Variants in NRG1 observed in about 807,000 individuals in gnomAD.
The protein encoded by NRG1 is pro-neuregulin-1, membrane-bound isoform.
A neutral mutation model predicts 63.8 loss-of-function variants in NRG1; 18 were observed. The observed-to-expected ratio is 0.28, with a 90% confidence interval of 0.19 to 0.42. The LOEUF is 0.42. NRG1 is among the 10% of genes least tolerant of loss of function. The pLI, the probability that NRG1 is intolerant of heterozygous loss-of-function variation, is 1.00. For synonymous variants in NRG1, 302 were observed against 301.3 expected, an observed-to-expected ratio of 1.00 and a Z score of -0.02; for missense variants, 762 against 814.7, an observed-to-expected ratio of 0.94 and a Z score of 0.79.
intron 1 of NRG1, among the ~76,000 whole-genome samples, chr8:32,062,270 T>A (rs1440752167): frequency 6.6e-6 from 1 of 152,056 alleles, no homozygotes; most frequent in African/African-American, 2.4e-5. Flanking sequence ...ATGGGAAGAA[T>A]GATGTTTTAA....
intron 1 of NRG1, among the ~76,000 whole-genome samples, chr8:32,086,968 A>T (rs1828312305): frequency 6.6e-6 from 1 of 152,186 alleles, no homozygotes; most frequent in Admixed American, 6.5e-5. Flanking sequence ...TCTAGATAGG[A>T]CGTTTCATAG....
At chr8:32,003,831 A>G (rs774441235) in intron 1 of NRG1, among the ~76,000 whole-genome samples, 2 of 151,906 alleles carry the variant, frequency 1.3e-5, no homozygotes, top group Non-Finnish European at 2.9e-5. Context: ...AGAAACAAGT[A>G]TTCAATTGTT....
intron 1 of NRG1, among the ~76,000 whole-genome samples, chr8:31,854,187 G>A (rs1472077087): frequency 6.6e-6 from 1 of 151,636 alleles, no homozygotes; most frequent in African/African-American, 2.4e-5. Context: ...AGAAGGAATG[G>A]TACCAGTTCC....
chr8:32,745,836 G>A (rs1827333687), intron 7 of NRG1, among the ~76,000 whole-genome samples: 1 of 152,032 alleles, frequency 6.6e-6, no homozygotes, highest in South Asian at 2.1e-4. Context: ...TAACATAATA[G>A]GACCTAATTA....
intron 1 of NRG1, among the ~76,000 whole-genome samples, chr8:31,770,770 C>CATATATATATATATATATAT (rs4036035): frequency 1.4e-5 from 2 of 140,490 alleles, no homozygotes; most frequent in African/African-American, 2.6e-5. Flanking sequence ...GTATAATAAA[C>CATATATATATATATATATAT]ATATATATAT....
intron 1 of NRG1, among the ~76,000 whole-genome samples, chr8:32,465,984 A>C (rs754031433): frequency 6.6e-6 from 1 of 152,232 alleles, no homozygotes; most frequent in Non-Finnish European, 1.5e-5. Context: ...ATGAGCCTTC[A>C]GATAATTTTC....
chr8:31,653,868 G>A (rs568530979), intron 1 of NRG1, among the ~76,000 whole-genome samples: 5 of 151,954 alleles, frequency 3.3e-5, no homozygotes, highest in African/African-American at 1.2e-4. Context: ...CTAGAGCTCT[G>A]TGTTTCACAA....
intron 1 of NRG1, among the ~76,000 whole-genome samples, chr8:32,564,848 C>T (rs1008582200): frequency 6.6e-6 from 1 of 151,914 alleles, no homozygotes; most frequent in Non-Finnish European, 1.5e-5. Flanking sequence ...ATTACTTGAG[C>T]TCAGGAGTTT....
At chr8:32,763,303 T>C in intron 11 of NRG1, 3 of 1,614,074 alleles carry the variant, frequency 1.9e-6, no homozygotes, top group Non-Finnish European at 2.5e-6. Flanking sequence ...TCATCTTAGA[T>C]CTTCTTCCAT....
At chr8:32,200,463 C>T (rs2132291561) in intron 1 of NRG1, among the ~76,000 whole-genome samples, 1 of 152,204 alleles carries the variant, frequency 6.6e-6, no homozygotes, top group East Asian at 1.9e-4. Context: ...ACTTTTCTCT[C>T]ATTTGCTCCA....
At chr8:32,082,927 A>G (rs562244837) in intron 1 of NRG1, among the ~76,000 whole-genome samples, 1 of 152,338 alleles carries the variant, frequency 6.6e-6, no homozygotes, top group African/African-American at 2.4e-5. Flanking sequence ...ACATATGTCA[A>G]CATCTCCCTA....
chr8:32,672,871 T>C (rs1042069158), intron 5 of NRG1, among the ~76,000 whole-genome samples: 1 of 152,212 alleles, frequency 6.6e-6, no homozygotes, highest in Non-Finnish European at 1.5e-5. Flanking sequence ...TTAAATATTC[T>C]TGATGCCATC....
At chr8:32,198,333 A>G (rs1201305474) in intron 1 of NRG1, among the ~76,000 whole-genome samples, 27 of 152,182 alleles carry the variant, frequency 1.8e-4, no homozygotes, top group Admixed American at 1.8e-3. Context: ...GCCCACCACC[A>G]CATCGGGCTA....
At chr8:32,175,877 G>T (rs1206208799) in intron 1 of NRG1, among the ~76,000 whole-genome samples, 1 of 152,168 alleles carries the variant, frequency 6.6e-6, no homozygotes, top group African/African-American at 2.4e-5. Context: ...TGGGTAGAAA[G>T]AATCAATATT....
intron 1 of NRG1, among the ~76,000 whole-genome samples, chr8:32,120,871 C>CT (rs1330844353): frequency 6.6e-6 from 1 of 151,970 alleles, no homozygotes; most frequent in East Asian, 1.9e-4. Context: ...CACAGTGTCC[C>CT]TTTTTGAATG....
chr8:32,711,892 A>T (rs1817906660), intron 5 of NRG1, among the ~76,000 whole-genome samples: 1 of 152,190 alleles, frequency 6.6e-6, no homozygotes, highest in Non-Finnish European at 1.5e-5. Context: ...AAGAATGAGT[A>T]CATTTATTTC....
intron 1 of NRG1, among the ~76,000 whole-genome samples, chr8:32,289,151 C>T (rs1174720095): frequency 2.6e-5 from 4 of 152,120 alleles, no homozygotes; most frequent in African/African-American, 4.8e-5. Flanking sequence ...ATTTCTTATT[C>T]GTCAATGACT....
intron 1 of NRG1, among the ~76,000 whole-genome samples, chr8:32,213,806 G>A (rs1003820880): frequency 2.0e-5 from 3 of 152,114 alleles, no homozygotes; most frequent in South Asian, 4.1e-4. Context: ...TAACAAGAGA[G>A]AAGCAGGAGT....
chr8:32,704,205 G>A (rs577480196), intron 5 of NRG1, among the ~76,000 whole-genome samples: 34 of 152,342 alleles, frequency 2.2e-4, no homozygotes, highest in African/African-American at 7.9e-4. Context: ...CTCTGGGGAG[G>A]CCGTAGAGGT....
Sources: allele counts gnomAD v4.1 joint callset (sites outside exome capture counted in the v4.1 genomes callset), GRCh38; gene constraint gnomAD v4.1.1; transcripts MANE v1.5; gene names NCBI Gene and HGNC (gene_info 2026-07-23, HGNC 2026-07-21).